MAGI1: variants seen among roughly 807,000 people sequenced by gnomAD.
The protein encoded by MAGI1 is membrane-associated guanylate kinase, WW and PDZ domain-containing protein 1.
Under a neutral mutation model 139.9 loss-of-function variants are expected in MAGI1, and 58 were observed. That is an observed-to-expected ratio of 0.41 (90% CI 0.34 to 0.52). MAGI1 has a LOEUF of 0.52. Among genes scored for constraint, MAGI1 ranks in the 20% least tolerant of loss-of-function variants. The pLI, the probability that MAGI1 is intolerant of heterozygous loss-of-function variation, is 0.12. For missense variants in MAGI1, 1,874 were observed against 1,901.6 expected, an observed-to-expected ratio of 0.99 and a Z score of 0.27; for synonymous variants, 812 against 737.9, an observed-to-expected ratio of 1.10 and a Z score of -1.63.
intron 2 of MAGI1, among the ~76,000 whole-genome samples, chr3:65,602,781 A>T (rs1002002098): frequency 6.6e-6 from 1 of 152,134 alleles, no homozygotes; most frequent in Non-Finnish European, 1.5e-5. Flanking sequence ...ATTGGCAATA[A>T]GGAAAAAATA....
At chr3:65,555,681 C>T (rs965317906) in intron 2 of MAGI1, among the ~76,000 whole-genome samples, 14 of 152,086 alleles carry the variant, frequency 9.2e-5, no homozygotes, top group African/African-American at 3.1e-4. Context: ...CAAGGTGAGA[C>T]CCCGTCTCTA....
intron 1 of MAGI1, among the ~76,000 whole-genome samples, chr3:65,875,710 G>A (rs1298771106): frequency 6.6e-6 from 1 of 152,176 alleles, no homozygotes; most frequent in African/African-American, 2.4e-5. Context: ...TCTTAAAGAT[G>A]CATTACAGTT....
intron 1 of MAGI1, among the ~76,000 whole-genome samples, chr3:65,839,793 T>C (rs1228237613): frequency 6.6e-6 from 1 of 152,158 alleles, no homozygotes; most frequent in Non-Finnish European, 1.5e-5. Context: ...ACAGAAGACC[T>C]GTGAAGATGA....
chr3:65,740,699 A>T (rs2035188738), intron 1 of MAGI1, among the ~76,000 whole-genome samples: 1 of 152,224 alleles, frequency 6.6e-6, no homozygotes, highest in Non-Finnish European at 1.5e-5. Context: ...AGACATTCTG[A>T]AAACTTCAGG....
At chr3:65,501,896 C>A (rs918265995) in intron 2 of MAGI1, among the ~76,000 whole-genome samples, 1 of 152,144 alleles carries the variant, frequency 6.6e-6, no homozygotes, top group Admixed American at 6.6e-5. Flanking sequence ...ACAGCATGGA[C>A]GAGTCTCACA....
intron 12 of MAGI1, among the ~76,000 whole-genome samples, chr3:65,424,322 T>G (rs34663554): frequency 6.6e-6 from 1 of 151,450 alleles, no homozygotes; most frequent in Non-Finnish European, 1.5e-5. Context: ...CCATTGTGAC[T>G]GGTGGATCAA....
chr3:65,354,863 C>T lies in MAGI1; in HGVS notation c.*1515G>A, dbSNP rs529148356. The T allele has an allele frequency of 7.9e-5, 12 of 151,784 alleles. No individual in the cohort carries two copies. Among genetic ancestry groups the T allele is most frequent in the African/African-American group, 2.7e-4 (11 of 41,284 alleles). The allele number at this position is 151,784 out of a possible 1,614,324, so 9.4% of individuals were successfully genotyped here. A position where few individuals can be genotyped will look rare whatever the true frequency, so the allele number is the denominator to read the frequency against. ...TAATTACAATTTTTAGCTCTGTACA[C>T]GCAATGATTGGCTGGTTTTCTTTTT... is the stretch of plus-strand genomic sequence containing the variant. On this transcript the variant is annotated 3_prime_UTR_variant, in exon 23 of 23. Transcript: ENST00000402939.
chr3:65,489,875 T>G (rs928636802), intron 3 of MAGI1, among the ~76,000 whole-genome samples: 1 of 152,244 alleles, frequency 6.6e-6, no homozygotes, highest in Non-Finnish European at 1.5e-5. Context: ...TAGGAACTAT[T>G]CCATCATGTA....
chr3:66,007,951 C>T (rs1464081674), intron 1 of MAGI1, among the ~76,000 whole-genome samples: 1 of 137,558 alleles, frequency 7.3e-6, no homozygotes, highest in Non-Finnish European at 1.5e-5. Flanking sequence ...GGTTGGAATA[C>T]AGTGGCCTGA....
At chr3:65,369,788 C>T (rs528987876) in intron 18 of MAGI1, among the ~76,000 whole-genome samples, 2 of 151,406 alleles carry the variant, frequency 1.3e-5, no homozygotes, top group East Asian at 4.0e-4. Context: ...GGATTACAGG[C>T]ATGAGCTACC....
intron 2 of MAGI1, among the ~76,000 whole-genome samples, chr3:65,510,286 G>A (rs1320575282): frequency 1.3e-5 from 2 of 152,280 alleles, no homozygotes; most frequent in South Asian, 2.1e-4. Context: ...CACCAGCAAC[G>A]GAACAAAGCT....
chr3:65,795,244 G>A (rs1408107135), intron 1 of MAGI1, among the ~76,000 whole-genome samples: 4 of 152,112 alleles, frequency 2.6e-5, no homozygotes, highest in Admixed American at 6.5e-5. Context: ...AATGTTCATA[G>A]CAACTTTATC....
chr3:65,935,799 T>C (rs892625702), intron 1 of MAGI1, among the ~76,000 whole-genome samples: 1 of 152,118 alleles, frequency 6.6e-6, no homozygotes, highest in Non-Finnish European at 1.5e-5. Context: ...AACTGCCAAA[T>C]AAGGAAGCCA....
chr3:65,979,457 A>ACGT (rs2065453881), intron 1 of MAGI1, among the ~76,000 whole-genome samples: 1 of 152,184 alleles, frequency 6.6e-6, no homozygotes, highest in South Asian at 2.1e-4. Context: ...CTTCAAAGCA[A>ACGT]CGTAGCCCAG....
chr3:65,569,362 A>G (rs1159757855), intron 2 of MAGI1, among the ~76,000 whole-genome samples: 1 of 152,200 alleles, frequency 6.6e-6, no homozygotes, highest in East Asian at 1.9e-4. Flanking sequence ...GATGTTGATG[A>G]TGGTTGCACA....
chr3:65,880,908 CGTGTGTGTGT>C lies in MAGI1; in HGVS notation c.313+157078_313+157087del, dbSNP rs11271375. Among the ~76,000 whole-genome samples the C allele has an allele frequency of 2.7e-5, 4 of 145,580 alleles. No homozygotes were observed. In the East Asian group the frequency reaches 6.0e-4, roughly 22 times the overall value. ...TTCATGGGAAATAAAATATCTCTGG[CGTGTGTGTGT>C]GTGTGTGTGTGTGTGTATGTAACAG... On this transcript the variant is annotated intron_variant, in intron 1 of 22. Transcript: ENST00000402939.
At chr3:66,004,502 C>T (rs1457976990) in intron 1 of MAGI1, among the ~76,000 whole-genome samples, 1 of 152,106 alleles carries the variant, frequency 6.6e-6, no homozygotes, top group Non-Finnish European at 1.5e-5. Flanking sequence ...AAGCACATGG[C>T]ATTTTTACGG....
chr3:65,466,846 C>T (rs1383069725), intron 5 of MAGI1, among the ~76,000 whole-genome samples: 1 of 152,206 alleles, frequency 6.6e-6, no homozygotes, highest in Non-Finnish European at 1.5e-5. Flanking sequence ...GGTTTCAGCT[C>T]CTAGTCCCAC....
intron 10 of MAGI1, among the ~76,000 whole-genome samples, chr3:65,432,336 G>A (rs1000550508): frequency 1.1e-4 from 16 of 152,088 alleles, no homozygotes; most frequent in African/African-American, 3.9e-4. Flanking sequence ...CAAAAAGAGA[G>A]AGAGAAAGAG....
Sources: gnomAD v4.1 joint callset for allele counts (sites outside exome capture counted in the v4.1 genomes callset) on GRCh38, gnomAD v4.1.1 for gene constraint, MANE v1.5 for transcripts, NCBI Gene and HGNC (gene_info 2026-07-23, HGNC 2026-07-21) for gene names.